Variants in TBX15 observed in about 807,000 individuals in gnomAD.
The protein encoded by TBX15 is T-box transcription factor TBX15.
TBX15 carries 18 observed loss-of-function variants against 53.9 expected under a neutral mutation model. The ratio of observed to expected loss-of-function variants is 0.33; its 90% CI spans 0.23 to 0.49. The LOEUF (loss-of-function observed/expected upper bound fraction) is 0.49. Ranked by LOEUF, TBX15 falls within the 20% of genes least tolerant of loss-of-function variation. TBX15 has a pLI of 0.98. For synonymous variants in TBX15, 295 were observed against 278.0 expected (o/e 1.06, Z -0.61); for missense variants, 692 against 749.5 (o/e 0.92, Z 0.90).
At position 118,987,995 on chromosome 1, in the gene TBX15, C is replaced by A; in HGVS notation, c.-200G>T. 1 of 676,244 alleles carries A rather than the reference C, an allele frequency of 1.5e-6. No individual in the cohort carries two copies. The highest frequency in any genetic ancestry group is 2.4e-6 in the Non-Finnish European group (1 of 410,476). The allele number at this position is 676,244 out of a possible 1,614,324, so 41.9% of individuals were successfully genotyped here. A position where few individuals can be genotyped will look rare whatever the true frequency, so the allele number is the denominator to read the frequency against. On this transcript the variant is annotated 5_prime_UTR_variant, in exon 1 of 8. The change creates a new upstream start codon in the 5' untranslated region. Transcript: ENST00000369429. Reference sequence around the variant, plus strand: ...CCTCTGCCGGATCCGACCTGCGCCCCTACGCTGGCCCAGCTGCTAGGAACT... The same window carrying A: ...CCTCTGCCGGATCCGACCTGCGCCCATACGCTGGCCCAGCTGCTAGGAACT...
intron 5 of TBX15, among the ~76,000 whole-genome samples, chr1:118,921,778 AT>A (rs1338187576): frequency 6.6e-6 from 1 of 152,102 alleles, no homozygotes; most frequent in African/African-American, 2.4e-5. Flanking sequence ...CTACCACTAA[AT>A]TTTTTTCTCT....
At chr1:118,943,541 T>C (rs1656251668) in intron 1 of TBX15, among the ~76,000 whole-genome samples, 1 of 151,942 alleles carries the variant, frequency 6.6e-6, no homozygotes, top group African/African-American at 2.4e-5. Flanking sequence ...GAGAAAAGGG[T>C]AGATCACTAA....
chr1:118,886,131 A>G (rs546352641), intron 7 of TBX15, among the ~76,000 whole-genome samples: 6 of 152,298 alleles, frequency 3.9e-5, no homozygotes, highest in African/African-American at 1.4e-4. Context: ...TGCATCACAT[A>G]AAAGACATTG....
At chr1:118,958,021 A>G (rs1656750940) in intron 1 of TBX15, among the ~76,000 whole-genome samples, 1 of 152,252 alleles carries the variant, frequency 6.6e-6, no homozygotes, top group Admixed American at 6.5e-5. Context: ...AATTAATGCA[A>G]AAATTTGCCA....
chr1:118,989,350 C>T (rs1657961044), upstream of TBX15: 1 of 152,214 alleles, frequency 6.6e-6, no homozygotes, highest in South Asian at 2.1e-4. Flanking sequence ...TCTTAATTCC[C>T]ACACCTCTTC....
At chr1:118,943,193 G>A (rs575684667) in intron 1 of TBX15, among the ~76,000 whole-genome samples, 19 of 152,274 alleles carry the variant, frequency 1.2e-4, no homozygotes, top group East Asian at 3.9e-4. Context: ...GACCATATGC[G>A]TTAAGTCTTT....
At chr1:118,922,558 ATGTCAG>A (rs1393640649) in intron 5 of TBX15, among the ~76,000 whole-genome samples, 1 of 152,184 alleles carries the variant, frequency 6.6e-6, no homozygotes, top group Non-Finnish European at 1.5e-5. Flanking sequence ...ATACCACACA[ATGTCAG>A]TGAAAAGATC....
chr1:118,950,501 G>A (rs892056914), intron 1 of TBX15, among the ~76,000 whole-genome samples: 2 of 152,276 alleles, frequency 1.3e-5, no homozygotes, highest in African/African-American at 4.8e-5. Flanking sequence ...AGCCATGTTG[G>A]ACCATTAAAG....
rs72705357 is a variant in TBX15 at position 118,975,124 on chromosome 1, G to T, written c.205+12467C>A. 1.2e-3 allele frequency among the ~76,000 whole-genome samples: 179 copies of T among 152,332 alleles called. 1 individual carries two copies. Among genetic ancestry groups the T allele is most frequent in the Admixed American group, 2.5e-3 (38 of 15,302 alleles). On this transcript the variant is annotated intron_variant, in intron 1 of 7. Transcript: ENST00000369429. Reference sequence around the variant, plus strand: ...AATTTCACTGCATGAGGAGATTTAGGATGCAGAGGTTTTAGATAAAATTCA... The same window carrying T: ...AATTTCACTGCATGAGGAGATTTAGTATGCAGAGGTTTTAGATAAAATTCA...
At chr1:118,959,192 T>G (rs1283765325) in intron 1 of TBX15, among the ~76,000 whole-genome samples, 1 of 152,198 alleles carries the variant, frequency 6.6e-6, no homozygotes, top group African/African-American at 2.4e-5. Context: ...CACCAGGAAC[T>G]GTGCTAGATA....
intron 3 of TBX15, among the ~76,000 whole-genome samples, chr1:118,925,081 G>A (rs146179275): frequency 5.3e-5 from 8 of 152,124 alleles, no homozygotes; most frequent in Non-Finnish European, 1.2e-4. Context: ...TTCAGCCCTC[G>A]CAAGGAAAAC....
chr1:118,967,975 T>C (rs752221529), intron 1 of TBX15, among the ~76,000 whole-genome samples: 2 of 152,206 alleles, frequency 1.3e-5, no homozygotes, highest in Non-Finnish European at 2.9e-5. Flanking sequence ...TCCCTCCTAT[T>C]AAAACAAAAA....
At chr1:118,961,459 G>A (rs1345225601) in intron 1 of TBX15, among the ~76,000 whole-genome samples, 1 of 152,170 alleles carries the variant, frequency 6.6e-6, no homozygotes, top group East Asian at 1.9e-4. Context: ...GGGAGAAGGA[G>A]CATTACTCAA....
chr1:118,951,282 C>T (rs369933383), intron 1 of TBX15, among the ~76,000 whole-genome samples: 2 of 152,308 alleles, frequency 1.3e-5, no homozygotes, highest in South Asian at 2.1e-4. Context: ...ATGTAGAAGA[C>T]ATTTCCCCTA....
chr1:118,931,566 T>G, intron 2 of TBX15, 53 bp downstream of exon 2: 1 of 1,590,606 alleles, frequency 6.3e-7, no homozygotes, highest in Non-Finnish European at 8.6e-7. Flanking sequence ...ATGTAATGGC[T>G]CCTACTTCTG....
chr1:118,931,164 A>G (rs1310612903), intron 2 of TBX15, among the ~76,000 whole-genome samples: 1 of 152,268 alleles, frequency 6.6e-6, no homozygotes, highest in Non-Finnish European at 1.5e-5. Flanking sequence ...ATAAAACACA[A>G]TGGACATCAA....
At chr1:118,887,747 G>A (rs1364975253) in intron 7 of TBX15, among the ~76,000 whole-genome samples, 1 of 151,686 alleles carries the variant, frequency 6.6e-6, no homozygotes, top group Non-Finnish European at 1.5e-5. Flanking sequence ...AAGGACACAG[G>A]GGTCCCAGAT....
chr1:118,920,167 T>A (rs967616209), intron 5 of TBX15, among the ~76,000 whole-genome samples: 1 of 152,174 alleles, frequency 6.6e-6, no homozygotes, highest in African/African-American at 2.4e-5. Context: ...TACTGTTTAT[T>A]TGTAAAAGGT....
chr1:118,959,533 G>GC (rs1389203659), intron 1 of TBX15, among the ~76,000 whole-genome samples: 3 of 152,132 alleles, frequency 2.0e-5, no homozygotes, highest in African/African-American at 7.2e-5. Flanking sequence ...GCTGAACTGA[G>GC]CCTTCCCTGG....
Sources: gnomAD v4.1 joint callset for allele counts (sites outside exome capture counted in the v4.1 genomes callset) on GRCh38, gnomAD v4.1.1 for gene constraint, MANE v1.5 for transcripts, NCBI Gene and HGNC (gene_info 2026-07-23, HGNC 2026-07-21) for gene names.